The following PHF14 variants were observed in gnomAD, a reference collection of about 807,000 sequenced individuals.
The protein encoded by PHF14 is PHD finger protein 14.
In PHF14, 55 loss-of-function variants were observed where a neutral mutation model predicts 117.9. The observed-to-expected ratio is 0.47, with a 90% CI of 0.38 to 0.58. PHF14 has a LOEUF of 0.58. Among genes scored for constraint, PHF14 ranks in the 20% least tolerant of loss-of-function variants. The pLI, the probability that PHF14 is intolerant of heterozygous loss-of-function variation, is 0.00. For synonymous variants in PHF14, 409 were observed against 368.6 expected, an observed-to-expected ratio of 1.11 and a Z score of -1.26; for missense variants, 978 against 1,122.2, an observed-to-expected ratio of 0.87 and a Z score of 1.84.
intron 16 of PHF14, chr7:11,102,517 C>T (rs780638130): frequency 6.2e-7 from 1 of 1,610,448 alleles, no homozygotes; most frequent in South Asian, 1.1e-5. Context: ...TCTGCCACAG[C>T]TCATCCTCGG....
chr7:10,995,536 C>G (rs535171318), intron 4 of PHF14, among the ~76,000 whole-genome samples: 7 of 152,340 alleles, frequency 4.6e-5, no homozygotes, highest in Admixed American at 1.3e-4. Context: ...GCCCGCCAGT[C>G]CCATGCCGTG....
At chr7:11,000,374 C>G (rs943777053) in intron 4 of PHF14, among the ~76,000 whole-genome samples, 2 of 107,364 alleles carry the variant, frequency 1.9e-5, no homozygotes, top group African/African-American at 7.3e-5. Context: ...GAGTCTTGCT[C>G]TGTTGTTCTG....
At chr7:11,042,897 C>A in intron 13 of PHF14, 83 bp downstream of exon 13, 1 of 935,424 alleles carries the variant, frequency 1.1e-6, no homozygotes, top group Non-Finnish European at 1.6e-6. Flanking sequence ...TATATTTGTT[C>A]ATAATAAAGT....
chr7:11,123,253 T>C (rs1159449028), intron 17 of PHF14, among the ~76,000 whole-genome samples: 1 of 152,168 alleles, frequency 6.6e-6, no homozygotes, highest in Non-Finnish European at 1.5e-5. Flanking sequence ...AGAGAGACTT[T>C]TTTGCCTTTT....
chr7:11,089,650 G>A (rs908983593), intron 16 of PHF14, among the ~76,000 whole-genome samples: 1 of 151,916 alleles, frequency 6.6e-6, no homozygotes, highest in African/African-American at 2.4e-5. Flanking sequence ...TTTGAGCAAA[G>A]TATTATGAGT....
chr7:11,008,082 A>G (rs1006703178), intron 4 of PHF14, among the ~76,000 whole-genome samples: 1 of 152,170 alleles, frequency 6.6e-6, no homozygotes. Flanking sequence ...GGAGAATGTC[A>G]GGTATATGTT....
chr7:11,105,115 A>G, intron 16 of PHF14: 3 of 970,946 alleles, frequency 3.1e-6, no homozygotes, highest in Non-Finnish European at 3.7e-6. Flanking sequence ...TGTGTTCACA[A>G]TTCACTCATC....
intron 17 of PHF14, among the ~76,000 whole-genome samples, chr7:11,115,859 C>T (rs2128344480): frequency 1.3e-5 from 2 of 152,078 alleles, no homozygotes; most frequent in Middle Eastern, 6.8e-3. Context: ...TTTCACTGTG[C>T]ATTTTTCAAA....
intron 16 of PHF14, chr7:11,107,036 A>G: frequency 1.0e-6 from 1 of 983,442 alleles, no homozygotes; most frequent in South Asian, 4.7e-5. Flanking sequence ...AAATGGCTAT[A>G]AATTATTTGC....
At chr7:11,063,981 G>A (rs925644361) in intron 16 of PHF14, among the ~76,000 whole-genome samples, 8 of 151,480 alleles carry the variant, frequency 5.3e-5, no homozygotes, top group Non-Finnish European at 1.0e-4. Context: ...CCCTTCCTTC[G>A]TTTTGCCTTA....
chr7:10,988,908 G>A (rs992628916), intron 3 of PHF14, among the ~76,000 whole-genome samples: 15 of 152,140 alleles, frequency 9.9e-5, no homozygotes, highest in African/African-American at 3.6e-4. Flanking sequence ...AGGTGAGAAA[G>A]AAACTTAGGA....
chr7:11,106,978 G>A, intron 16 of PHF14: 1 of 983,516 alleles, frequency 1.0e-6, no homozygotes, highest in Non-Finnish European at 1.2e-6. Flanking sequence ...GTACATCCTT[G>A]TTCAAGTCTA....
At chr7:11,117,216 A>C (rs1429945922) in intron 17 of PHF14, among the ~76,000 whole-genome samples, 1 of 151,866 alleles carries the variant, frequency 6.6e-6, no homozygotes, top group Non-Finnish European at 1.5e-5. Flanking sequence ...TCTTTGTTTA[A>C]AGCTATGTTT....
intron 17 of PHF14, among the ~76,000 whole-genome samples, chr7:11,159,891 G>T (rs565838979): frequency 6.6e-6 from 1 of 152,018 alleles, no homozygotes; most frequent in African/African-American, 2.4e-5. Context: ...GCAATTTTCC[G>T]CTTCTATCAA....
chr7:11,003,996 C>T (rs1583352043), intron 4 of PHF14, among the ~76,000 whole-genome samples: 2 of 151,850 alleles, frequency 1.3e-5, no homozygotes, highest in Non-Finnish European at 2.9e-5. Context: ...GCTTGTAATC[C>T]CAGCACTCTG....
At chr7:11,105,930 CA>C (rs1348395603) in intron 16 of PHF14, 1 of 984,362 alleles carries the variant, frequency 1.0e-6, no homozygotes, top group Admixed American at 6.2e-5. Context: ...TAATTATGAA[CA>C]GGGAAATACA....
chr7:11,164,089 A>G (rs1472781244), intron 17 of PHF14, among the ~76,000 whole-genome samples: 1 of 152,228 alleles, frequency 6.6e-6, no homozygotes, highest in Non-Finnish European at 1.5e-5. Context: ...TTTAAAATCT[A>G]AAGAAAATAT....
chr7:11,085,230 A>G (rs1417611787), intron 16 of PHF14, among the ~76,000 whole-genome samples: 3 of 152,192 alleles, frequency 2.0e-5, no homozygotes, highest in Non-Finnish European at 4.4e-5. Flanking sequence ...ATACTGTGTC[A>G]TCTATAAATA....
At chr7:11,074,187 A>T (rs1232873627) in intron 16 of PHF14, among the ~76,000 whole-genome samples, 1 of 151,602 alleles carries the variant, frequency 6.6e-6, no homozygotes, top group Admixed American at 6.6e-5. Context: ...TCCTCTCCTG[A>T]AAATGCCTTT....
Sources: allele counts gnomAD v4.1 joint callset (sites outside exome capture counted in the v4.1 genomes callset), GRCh38; gene constraint gnomAD v4.1.1; transcripts MANE v1.5; gene names NCBI Gene and HGNC (gene_info 2026-07-23, HGNC 2026-07-21).